Variants in SUPV3L1 observed in about 807,000 individuals in gnomAD.
SUPV3L1 encodes the protein ATP-dependent RNA helicase SUPV3L1, mitochondrial.
In SUPV3L1, 35 loss-of-function variants were observed where a neutral mutation model predicts 70.0. That is an observed-to-expected ratio of 0.50 (90% confidence interval 0.38 to 0.66). SUPV3L1 has a LOEUF of 0.66. Ranked by LOEUF, SUPV3L1 falls within the 30% of genes least tolerant of loss-of-function variation. The probability of loss-of-function intolerance (pLI) is 0.00; values close to 1 mark genes in which losing one functional copy is unlikely to be tolerated. For synonymous variants in SUPV3L1, 364 were observed against 341.9 expected (o/e 1.06, Z -0.71); for missense variants, 777 against 961.5 (o/e 0.81, Z 2.54).
chr10:69,202,642 T>C, intron 12 of SUPV3L1, 123 bp downstream of exon 12: 1 of 1,165,862 alleles, frequency 8.6e-7, no homozygotes, highest in Non-Finnish European at 1.2e-6. Flanking sequence ...TAAAATTTAT[T>C]TTACAAGTGA....
chr10:69,203,781 A>G (rs113133058), intron 13 of SUPV3L1, among the ~76,000 whole-genome samples: 323 of 151,956 alleles, frequency 2.1e-3, no homozygotes, highest in African/African-American at 7.2e-3. Context: ...GCTGGAGTGC[A>G]ATGGTGCAAT....
intron 11 of SUPV3L1, 123 bp downstream of exon 11, chr10:69,200,622 G>A: frequency 1.2e-6 from 1 of 835,398 alleles, no homozygotes; most frequent in East Asian, 2.7e-5. Context: ...AGAAAATTTT[G>A]TGCCATGAAA....
At chr10:69,182,362 G>A (rs1001770851) in intron 1 of SUPV3L1, among the ~76,000 whole-genome samples, 5 of 152,088 alleles carry the variant, frequency 3.3e-5, no homozygotes, top group Non-Finnish European at 5.9e-5. Context: ...CGAAATAGAT[G>A]AGAACTTTTT....
chr10:69,195,452 T>C (rs112657265), intron 7 of SUPV3L1, 187 bp downstream of exon 7: 58 of 413,046 alleles, frequency 1.4e-4, no homozygotes, highest in African/African-American at 1.1e-3. Context: ...TATTTTTTCC[T>C]GTGCTAAAAC....
At position 69,186,331 on chromosome 10, in the gene SUPV3L1, A is replaced by G. The variant is rs1165225896; in HGVS notation, c.350-112A>G. Reference sequence around the variant, plus strand: ...AATAAACCAGCTGTACTGCCAAAAAAAAAAAAAAAAAAAGAAAAAAAAAGA... The same window carrying G: ...AATAAACCAGCTGTACTGCCAAAAAGAAAAAAAAAAAAAGAAAAAAAAAGA... On this transcript the variant is annotated intron_variant, in intron 2 of 14. Coordinates refer to ENST00000359655, the MANE Select transcript of SUPV3L1 (RefSeq NM_003171.5). 5.1e-5 allele frequency: 35 copies of G among 680,356 alleles called. 1 individual carries two copies. In the Admixed American group the frequency reaches 5.7e-4, roughly 11 times the overall value. 42.1% of individuals were successfully genotyped at this position (680,356 alleles called of 1,614,324 possible).
At chr10:69,197,866 T>C (rs1842582359) in intron 8 of SUPV3L1, among the ~76,000 whole-genome samples, 1 of 152,166 alleles carries the variant, frequency 6.6e-6, no homozygotes, top group East Asian at 1.9e-4. Flanking sequence ...AAGGAAATAG[T>C]TTTGAATTAG....
At chr10:69,205,273 G>T (rs1314005753) in intron 13 of SUPV3L1, among the ~76,000 whole-genome samples, 1 of 152,234 alleles carries the variant, frequency 6.6e-6, no homozygotes, top group African/African-American at 2.4e-5. Context: ...GTGGAACTCA[G>T]TCCCATGGCC....
At chr10:69,189,119 G>A in intron 4 of SUPV3L1, 148 bp from the exon 5 acceptor site, 1 of 766,344 alleles carries the variant, frequency 1.3e-6, no homozygotes, top group East Asian at 3.1e-5. Flanking sequence ...ATTTTAATGT[G>A]GATATGAAAC....
In SUPV3L1 at chr10:69,202,552, A is replaced by G. The variant is rs1481123562; in HGVS notation, c.1599+33A>G. ...GAAACTCCCTTTCACATCTCCCCTA[A>G]AAATGTTGATATGTCAGGTGATTAC... On this transcript the variant is annotated intron_variant, in intron 12 of 14. Transcript: ENST00000359655. 4.4e-6 allele frequency: 7 copies of G among 1,587,308 alleles called. No homozygotes were observed. The African/African-American group carries it at 9.4e-5, about 21-fold the overall frequency.
At chr10:69,207,412 C>G (rs944822605) in intron 13 of SUPV3L1, among the ~76,000 whole-genome samples, 14 of 152,178 alleles carry the variant, frequency 9.2e-5, no homozygotes, top group African/African-American at 3.1e-4. Flanking sequence ...TCCCTGGGCT[C>G]AGTAATCCTC....
intron 1 of SUPV3L1, among the ~76,000 whole-genome samples, chr10:69,184,638 C>CAT (rs1842165961): frequency 6.6e-6 from 1 of 151,676 alleles, no homozygotes; most frequent in Admixed American, 6.6e-5. Flanking sequence ...CACACACACA[C>CAT]ACACACACAC....
chr10:69,198,728 G>A (rs1011140947), intron 9 of SUPV3L1, among the ~76,000 whole-genome samples, 176 bp downstream of exon 9: 1 of 152,314 alleles, frequency 6.6e-6, no homozygotes, highest in Middle Eastern at 3.4e-3. Context: ...GGAAATAGAA[G>A]TATTTTAATT....
At chr10:69,197,175 G>A (rs1304043775) in intron 8 of SUPV3L1, 92 bp downstream of exon 8, 32 of 980,214 alleles carry the variant, frequency 3.3e-5, no homozygotes, top group South Asian at 1.5e-4. Flanking sequence ...TAATGCCAGC[G>A]TCAGAACTTA....
At chr10:69,194,109 T>C (rs1308768482) in intron 6 of SUPV3L1, among the ~76,000 whole-genome samples, 1 of 152,204 alleles carries the variant, frequency 6.6e-6, no homozygotes, top group Non-Finnish European at 1.5e-5. Context: ...CCAGATGTGA[T>C]AGTTCTCATC....
intron 1 of SUPV3L1, among the ~76,000 whole-genome samples, chr10:69,183,153 C>T (rs10823310): frequency 0.042 from 6,416 of 152,252 alleles, 479 homozygotes; most frequent in African/African-American, 0.15. Flanking sequence ...CTTTGTTCTT[C>T]CATCCCTCAC....
At chr10:69,182,330 G>A (rs79287854) in intron 1 of SUPV3L1, among the ~76,000 whole-genome samples, 2,600 of 152,080 alleles carry the variant, frequency 0.017, 67 homozygotes, top group African/African-American at 0.059. Flanking sequence ...GTTCACTAGC[G>A]TTAAGTATAT....
At chr10:69,184,381 A>G (rs761842494) in intron 1 of SUPV3L1, among the ~76,000 whole-genome samples, 10 of 152,244 alleles carry the variant, frequency 6.6e-5, no homozygotes, top group Non-Finnish European at 1.2e-4. Context: ...ATACAAAATT[A>G]GTCGGGCATG....
At chr10:69,196,725 T>G (rs942246068) in intron 7 of SUPV3L1, among the ~76,000 whole-genome samples, 2 of 152,128 alleles carry the variant, frequency 1.3e-5, no homozygotes, top group Non-Finnish European at 2.9e-5. Context: ...AAATGCCAGC[T>G]TCTAATCCTG....
At chr10:69,181,382 A>G (rs1279979993) in intron 1 of SUPV3L1, among the ~76,000 whole-genome samples, 2 of 152,214 alleles carry the variant, frequency 1.3e-5, no homozygotes, top group African/African-American at 2.4e-5. Flanking sequence ...AACAAGCGAC[A>G]TTGGTGCCTC....
Sources: gnomAD v4.1 joint callset for allele counts (sites outside exome capture counted in the v4.1 genomes callset) on GRCh38, gnomAD v4.1.1 for gene constraint, MANE v1.5 for transcripts, NCBI Gene and HGNC (gene_info 2026-07-23, HGNC 2026-07-21) for gene names.